The following KDM5B variants were observed in gnomAD, a reference collection of about 807,000 sequenced individuals.
KDM5B encodes lysine demethylase 5B.
A neutral mutation model predicts 193.4 loss-of-function variants in KDM5B; 144 were observed. The observed-to-expected ratio is 0.74, with a 90% CI of 0.65 to 0.86. KDM5B has a LOEUF of 0.86. KDM5B is among the 40% of genes least tolerant of loss of function. The pLI, the probability that KDM5B is intolerant of heterozygous loss-of-function variation, is 0.00. For missense variants in KDM5B, 1,833 were observed against 1,886.9 expected, an observed-to-expected ratio of 0.97 and a Z score of 0.53; for synonymous variants, 668 against 682.6, an observed-to-expected ratio of 0.98 and a Z score of 0.33.
At position 202,733,466 on chromosome 1, in the gene KDM5B, C is replaced by T. The variant is rs1469084463; in HGVS notation, c.3844G>A (p.Val1282Met). ...SGNLKFVQDR[V>M]GSGLLYSRWQ... ...CTGCTATATAACAGTCCTGAGCCCACTCGATCTTGCACAAATTTAAGATTC... is the reference window on the plus strand; with the variant it reads ...CTGCTATATAACAGTCCTGAGCCCATTCGATCTTGCACAAATTTAAGATTC... Residue 1282 changes from valine (V) to methionine (M), a missense_variant, in exon 23 of 27, where the codon GTG becomes ATG. Around this residue, in one of 3 missense-constraint regions of KDM5B, gnomAD observed 1,379 missense variants for 1,349.6 expected, o/e 1.02. Coordinates refer to ENST00000367265, the MANE Select transcript of KDM5B (RefSeq NM_006618.5). 1 of 1,614,198 alleles carries T rather than the reference C, an allele frequency of 6.2e-7. No homozygotes were observed. Among genetic ancestry groups the T allele is most frequent in the East Asian group, 2.2e-5 (1 of 44,880 alleles).
chr1:202,789,884 C>T (rs188255022), intron 1 of KDM5B, among the ~76,000 whole-genome samples: 55 of 152,136 alleles, frequency 3.6e-4, no homozygotes, highest in Admixed American at 4.6e-4. Context: ...GCTATGGTGG[C>T]GCTGCTGCAT....
At chr1:202,744,954 G>T (rs1572718058) in intron 16 of KDM5B, among the ~76,000 whole-genome samples, 1 of 152,170 alleles carries the variant, frequency 6.6e-6, no homozygotes, top group South Asian at 2.1e-4. Flanking sequence ...ATACACCATG[G>T]AATACTATGC....
Position 202,741,546 on chromosome 1 carries a change from C to T in KDM5B, c.2766G>A (p.Glu922=). 6.2e-7 allele frequency: 1 copy of T among 1,614,218 alleles called. No homozygotes were observed. Among genetic ancestry groups the T allele is most frequent in the African/African-American group, 1.3e-5 (1 of 75,058 alleles). Reference sequence around the variant, plus strand: ...TGGGGTCTAGGCAAGCTTGCTGCACCTCTTCTAGCCAACGGGCTTGTTCCA... The same window carrying T: ...TGGGGTCTAGGCAAGCTTGCTGCACTTCTTCTAGCCAACGGGCTTGTTCCA... ...IRLEQARWLE[E]VQQACLDPSS... Residue 922 remains glutamate (E), a synonymous_variant, in exon 19 of 27, where the codon GAG becomes GAA. Transcript: ENST00000367265.
intron 3 of KDM5B, among the ~76,000 whole-genome samples, chr1:202,773,819 C>T (rs2102297561): frequency 6.6e-6 from 1 of 152,102 alleles, no homozygotes; most frequent in East Asian, 1.9e-4. Context: ...CTCACTGCAA[C>T]CTCCGCCTCC....
At position 202,748,957 on chromosome 1, in the gene KDM5B, A is replaced by C; in HGVS notation, c.2004T>G (p.Thr668=). 1 of 1,610,728 alleles carries C rather than the reference A, an allele frequency of 6.2e-7. No homozygotes were observed. Among genetic ancestry groups the C allele is most frequent in the Non-Finnish European group, 8.5e-7 (1 of 1,178,698 alleles). ...CCATAAGCCTTACCAATTTACGGACAGTTTCTCTTAAAGCTTTCTCATCCT... is the reference window on the plus strand; with the variant it reads ...CCATAAGCCTTACCAATTTACGGACCGTTTCTCTTAAAGCTTTCTCATCCT... ...MIEDEKALRE[T]VRKLGVIDSE... is the part of the protein sequence containing the mutation. The change falls in exon 14 of 27, where the codon ACT becomes ACG. Residue 668 remains threonine (T), a synonymous_variant. Coordinates refer to ENST00000367265, the MANE Select transcript of KDM5B (RefSeq NM_006618.5).
chr1:202,732,149 TC>T lies in KDM5B; in HGVS notation c.3910-211del, dbSNP rs1402079399. 7.5e-5 allele frequency: 38 copies of T among 509,908 alleles called. No homozygotes were observed. The South Asian group carries it at 8.6e-4, about 11-fold the overall frequency. 31.6% of individuals were successfully genotyped at this position (509,908 alleles called of 1,614,324 possible). On this transcript the variant is annotated intron_variant, in intron 23 of 26. Transcript: ENST00000367265. Reference sequence around the variant, plus strand: ...TCCCAAAGACCAAGCCTTTAATCTTTCCAGTTTTACTTGGACTGATTTCAGA... The same window carrying T: ...TCCCAAAGACCAAGCCTTTAATCTTTCAGTTTTACTTGGACTGATTTCAGA...
At position 202,745,951 on chromosome 1, in the gene KDM5B, T is replaced by G; in HGVS notation, c.2230A>C (p.Met744Leu). ...YRYTLDDLYP[M>L]MNALKLRAES... ...GCTCGAAGCTTCAATGCATTCATCA[T>G]AGGGTAGAGATCATCCAGCGTGTAC... The change falls in exon 16 of 27, where the codon ATG (methionine) becomes CTG (leucine). Residue 744 changes from methionine (M) to leucine (L), a missense_variant. Physicochemically the swap from Met to Leu is conservative, Grantham distance 15 (BLOSUM62 2). Coordinates refer to ENST00000367265, the MANE Select transcript of KDM5B (RefSeq NM_006618.5). 6.2e-7 allele frequency: 1 copy of G among 1,613,856 alleles called. No individual in the cohort carries two copies. The highest frequency in any genetic ancestry group is 8.5e-7 in the Non-Finnish European group (1 of 1,179,710).
chr1:202,806,933 C>G (rs918022633), intron 1 of KDM5B: 2 of 152,262 alleles, frequency 1.3e-5, no homozygotes, highest in African/African-American at 4.8e-5. Flanking sequence ...GGACTCAGAC[C>G]CTCCCGAAAG....
At position 202,753,005 on chromosome 1, in the gene KDM5B, A is replaced by G; in HGVS notation, c.1601T>C (p.Met534Thr). The change falls in exon 12 of 27, where the codon ATG becomes ACG. Residue 534 changes from methionine (M) to threonine (T), a missense_variant. Coordinates refer to ENST00000367265, the MANE Select transcript of KDM5B (RefSeq NM_006618.5). ...GYAAEQLENVMKKLAPELFVS... is the reference protein window; with the variant it reads ...GYAAEQLENVTKKLAPELFVS... Reference sequence around the variant, plus strand: ...AAAGAGTTCTGGAGCTAGTTTCTTCATTACATTTTCTAGCTGCTCAGCAGC... The same window carrying G: ...AAAGAGTTCTGGAGCTAGTTTCTTCGTTACATTTTCTAGCTGCTCAGCAGC... The G allele has an allele frequency of 6.2e-7, 1 of 1,614,114 alleles. No homozygotes were observed. The highest frequency in any genetic ancestry group is 8.5e-7 in the Non-Finnish European group (1 of 1,180,016).
intron 18 of KDM5B, 41 bp from the exon 19 acceptor site, chr1:202,741,763 T>A (rs1322881677): frequency 8.6e-7 from 1 of 1,160,884 alleles, no homozygotes; most frequent in African/African-American, 1.5e-5. Flanking sequence ...AAACAGTAAT[T>A]TCAGTAATTG....
rs1656939489 is a variant in KDM5B, at chr1:202,775,943, ATT to A, written c.282+1072_282+1073del. On this transcript the variant is annotated intron_variant, in intron 2 of 26. Transcript: ENST00000367265. ...CATACATTAACTCAACAAAAATTTA[ATT>A]CAGGCTGGGCATGGTGGCTCATGCC... 3.4e-5 allele frequency among the ~76,000 whole-genome samples: 5 copies of A among 145,148 alleles called. No homozygotes were observed. In the Admixed American group the frequency reaches 3.5e-4, roughly 10 times the overall value.
intron 1 of KDM5B, among the ~76,000 whole-genome samples, chr1:202,805,726 A>AAC (rs1029595199): frequency 6.6e-6 from 1 of 152,208 alleles, no homozygotes; most frequent in African/African-American, 2.4e-5. Flanking sequence ...CCAAAAACAA[A>AAC]ACAGTTTCTA....
At chr1:202,739,572 T>C (rs1200550181) in intron 20 of KDM5B, among the ~76,000 whole-genome samples, 2 of 152,088 alleles carry the variant, frequency 1.3e-5, no homozygotes, top group East Asian at 3.9e-4. Flanking sequence ...CGTCAGCAGA[T>C]AAACAAGTGA....
chr1:202,808,264 C>T lies in KDM5B; in HGVS notation c.42G>A (p.Ala14=), dbSNP rs775438608. The change falls in exon 1 of 27, where the codon GCG becomes GCA. Residue 14 remains alanine (A), a synonymous_variant. Coordinates refer to ENST00000367265, the MANE Select transcript of KDM5B (RefSeq NM_006618.5). The part of the protein sequence containing the change: ...ATTLHPGPRP[A]LPLGGPGPLG... ...GCGGGCCCGGGCCCCCGAGGGGCAG[C>T]GCCGGGCGCGGGCCTGGGTGCAGTG... 1.2e-6 allele frequency: 2 copies of T among 1,609,416 alleles called. No individual in the cohort carries two copies. Among genetic ancestry groups the T allele is most frequent in the Non-Finnish European group, 1.7e-6 (2 of 1,178,500 alleles).
chr1:202,806,430 C>T (rs945399670), intron 1 of KDM5B: 2 of 152,212 alleles, frequency 1.3e-5, no homozygotes, highest in Non-Finnish European at 2.9e-5. Flanking sequence ...AAAACCTTGG[C>T]TCTAACCAGC....
At chr1:202,783,879 CAA>C (rs556847091) in intron 1 of KDM5B, among the ~76,000 whole-genome samples, 1 of 134,220 alleles carries the variant, frequency 7.5e-6, no homozygotes. Flanking sequence ...GACTCTGTCT[CAA>C]AAAAAAAAAG....
chr1:202,762,632 G>T, intron 7 of KDM5B, 67 bp downstream of exon 7: 1 of 886,590 alleles, frequency 1.1e-6, no homozygotes, highest in Non-Finnish European at 1.9e-6. Context: ...GGGGGTAAAG[G>T]GGATTAAAGA....
At chr1:202,745,422 GGGACCTTAACT>G (rs2102241035) in intron 16 of KDM5B, among the ~76,000 whole-genome samples, 1 of 152,280 alleles carries the variant, frequency 6.6e-6, no homozygotes, top group South Asian at 2.1e-4. Flanking sequence ...ACAAGTGCCA[GGGACCTTAACT>G]TTAATTAGAA....
Position 202,729,107 on chromosome 1 carries a change from G to C in KDM5B, c.4564C>G (p.Pro1522Ala), listed in dbSNP as rs749929052. The C allele has an allele frequency of 1.9e-6, 3 of 1,614,088 alleles. No individual in the cohort carries two copies. In the South Asian group the frequency reaches 3.3e-5, roughly 18 times the overall value. The change falls in exon 27 of 27, where the codon CCA becomes GCA. Residue 1522 changes from proline (P) to alanine (A), a missense_variant. Around this residue, in one of 3 missense-constraint regions of KDM5B, gnomAD observed 1,379 missense variants for 1,349.6 expected, o/e 1.02. Transcript: ENST00000367265. Reference protein sequence around the residue: ...WFHQVCVGVSPEMAEKEDYIC... With the variant: ...WFHQVCVGVSAEMAEKEDYIC... Reference sequence around the variant, plus strand: ...TAGTCTTCTTTCTCTGCCATCTCTGGGGAGACACCAACACAGACCTGATGA... The same window carrying C: ...TAGTCTTCTTTCTCTGCCATCTCTGCGGAGACACCAACACAGACCTGATGA...
Sources: gnomAD v4.1 joint callset for allele counts (sites outside exome capture counted in the v4.1 genomes callset) on GRCh38, gnomAD v4.1.1 for gene constraint, gnomAD v4.1.1 regional missense constraint, MANE v1.5 for transcripts, NCBI Gene and HGNC (gene_info 2026-07-23, HGNC 2026-07-21) for gene names.